The following PTGES3L variants were observed in gnomAD, a reference collection of about 807,000 sequenced individuals.
PTGES3L encodes the protein prostaglandin E synthase 3 like, also known as putative protein PTGES3L.
Under a neutral mutation model 25.0 loss-of-function variants are expected in PTGES3L, and 17 were observed. That is an observed-to-expected ratio of 0.68 (90% CI 0.47 to 1.02). PTGES3L has a LOEUF of 1.02. Ranked by LOEUF, PTGES3L falls within the 50% of genes least tolerant of loss-of-function variation. PTGES3L has a pLI of 0.00. For missense variants in PTGES3L, 202 were observed against 197.5 expected, an observed-to-expected ratio of 1.02 and a Z score of -0.14; for synonymous variants, 59 against 65.7, an observed-to-expected ratio of 0.90 and a Z score of 0.50.
chr17:42,979,904 C>G, intron 1 of PTGES3L, 142 bp downstream of exon 1: 1 of 1,446,084 alleles, frequency 6.9e-7, no homozygotes, highest in Middle Eastern at 2.5e-4. Context: ...TCAGGTCACA[C>G]CTTCCCTCAC....
chr17:42,974,097 C>T (rs2049911184), intron 4 of PTGES3L, among the ~76,000 whole-genome samples: 2 of 152,056 alleles, frequency 1.3e-5, no homozygotes, highest in African/African-American at 4.8e-5. Context: ...GTGGCTCACA[C>T]AACCTGTAAT....
chr17:42,970,243 A>G, intron 6 of PTGES3L, 46 bp downstream of exon 6: 1 of 1,611,702 alleles, frequency 6.2e-7, no homozygotes. Context: ...GGTTGTTTTT[A>G]AGGGCTACAA....
intron 6 of PTGES3L, 91 bp downstream of exon 6, chr17:42,970,198 T>A: frequency 6.7e-7 from 1 of 1,495,324 alleles, no homozygotes; most frequent in Admixed American, 1.8e-5. Flanking sequence ...TGAGAACTAC[T>A]GTGTGCTAGG....
At chr17:42,972,841 G>A (rs1437519152) in intron 4 of PTGES3L, among the ~76,000 whole-genome samples, 13 of 147,438 alleles carry the variant, frequency 8.8e-5, no homozygotes, top group African/African-American at 3.0e-4. Context: ...AGTGAGGAGC[G>A]TCTCCGCCCG....
Position 42,979,219 on chromosome 17 carries a change from T to A in PTGES3L, c.239A>T (p.Lys80Ile), listed in dbSNP as rs1374138313. 1.2e-6 allele frequency: 2 copies of A among 1,613,974 alleles called. No homozygotes were observed. Among genetic ancestry groups the A allele is most frequent in the Non-Finnish European group, 8.5e-7 (1 of 1,180,038 alleles). The change falls in exon 4 of 7, where the codon AAA becomes ATA. Residue 80 changes from lysine to isoleucine, a missense_variant. Transcript: ENST00000591916. ...CGGCCAGGCCACCTTTTCCTTCCAT[T>A]TTCTCACAAAACAAGTAATAGAGCG... Reference protein sequence around the residue: ...SSRSITCFVRKWKEKVAWPRL... With the variant: ...SSRSITCFVRIWKEKVAWPRL...
chr17:42,975,727 A>G lies in PTGES3L; in HGVS notation c.288+3443T>C, dbSNP rs1050861732. On this transcript the variant is annotated intron_variant, in intron 4 of 6. Coordinates refer to ENST00000591916, the MANE Select transcript of PTGES3L (RefSeq NM_001261430.2). ...AGTCTCACTCTGTCATCCAGGCTAGAGTGCAGTGGGGTGATCTCGGCTGAC... is the reference window on the plus strand; with the variant it reads ...AGTCTCACTCTGTCATCCAGGCTAGGGTGCAGTGGGGTGATCTCGGCTGAC... 2.0e-5 allele frequency among the ~76,000 whole-genome samples: 3 copies of G among 152,198 alleles called. No individual in the cohort carries two copies. In the East Asian group the frequency reaches 5.8e-4, roughly 29 times the overall value.
intron 4 of PTGES3L, among the ~76,000 whole-genome samples, chr17:42,975,978 C>T (rs921064198): frequency 6.7e-5 from 10 of 149,960 alleles, no homozygotes; most frequent in Admixed American, 1.3e-4. Flanking sequence ...CCTGGCTCCC[C>T]GTTTTATTTA....
Position 42,979,238 on chromosome 17 carries a change from T to A in PTGES3L, c.220A>T (p.Ile74Phe), listed in dbSNP as rs751048568. The change falls in exon 4 of 7, where the codon ATT (isoleucine) becomes TTT (phenylalanine). Residue 74 changes from isoleucine (I) to phenylalanine (F), a missense_variant. By Grantham distance (21) the Ile-to-Phe change is conservative. Coordinates refer to ENST00000591916, the MANE Select transcript of PTGES3L (RefSeq NM_001261430.2). ...TTCCATTTTCTCACAAAACAAGTAATAGAGCGGGAAGAGCGCTTATCCTGG... is the reference window on the plus strand; with the variant it reads ...TTCCATTTTCTCACAAAACAAGTAAAAGAGCGGGAAGAGCGCTTATCCTGG... ...DSQDKRSSRS[I>F]TCFVRKWKEK... 1.2e-6 allele frequency: 2 copies of A among 1,613,914 alleles called. No individual in the cohort carries two copies. The highest frequency in any genetic ancestry group is 1.3e-5 in the African/African-American group (1 of 74,906).
At chr17:42,973,370 G>C (rs1462948141) in intron 4 of PTGES3L, among the ~76,000 whole-genome samples, 1 of 1,904 alleles carries the variant, frequency 5.3e-4, no homozygotes, top group Non-Finnish European at 1.2e-3. Flanking sequence ...GAGGGAAGTG[G>C]GGGGGGTCAG....
At chr17:42,975,546 C>T (rs928915071) in intron 4 of PTGES3L, among the ~76,000 whole-genome samples, 4 of 152,096 alleles carry the variant, frequency 2.6e-5, no homozygotes, top group East Asian at 1.9e-4. Context: ...GGAAATCAAA[C>T]GCTCAAATAC....
At chr17:42,972,949 A>G (rs2049875106) in intron 4 of PTGES3L, among the ~76,000 whole-genome samples, 1 of 134,322 alleles carries the variant, frequency 7.4e-6, no homozygotes, top group African/African-American at 2.9e-5. Flanking sequence ...ATCGTCTGAG[A>G]TGTGGGGAGC....
At chr17:42,979,293 T>G in intron 3 of PTGES3L, 25 bp from the exon 4 acceptor site, 1 of 1,614,018 alleles carries the variant, frequency 6.2e-7, no homozygotes, top group Non-Finnish European at 8.5e-7. Flanking sequence ...GCCTCATTCT[T>G]AGGGTCTGGG....
At chr17:42,971,727 C>T in intron 4 of PTGES3L, 31 bp from the exon 5 acceptor site, 1 of 1,612,032 alleles carries the variant, frequency 6.2e-7, no homozygotes, top group Non-Finnish European at 8.5e-7. Flanking sequence ...AGTCACAGGC[C>T]AGGAGGGCAG....
chr17:42,979,206 C>A lies in PTGES3L; in HGVS notation c.252G>T (p.Lys84Asn), dbSNP rs200795560. The change falls in exon 4 of 7, where the codon AAG becomes AAT. Residue 84 changes from lysine (K) to asparagine (N), a missense_variant. Physicochemically the swap from Lys to Asn is moderately conservative, Grantham distance 94 (BLOSUM62 0). Transcript: ENST00000591916. Reference protein sequence around the residue: ...ITCFVRKWKEKVAWPRLTKED... With the variant: ...ITCFVRKWKENVAWPRLTKED... ...CCTTGGTAAGCCGCGGCCAGGCCAC[C>A]TTTTCCTTCCATTTTCTCACAAAAC... 6 of 1,614,130 alleles carry A rather than the reference C, an allele frequency of 3.7e-6. No homozygotes were observed. The highest frequency in any genetic ancestry group is 1.6e-4 in the Middle Eastern group (1 of 6,062).
intron 4 of PTGES3L, among the ~76,000 whole-genome samples, chr17:42,978,924 C>T (rs969576455): frequency 6.6e-5 from 10 of 152,064 alleles, no homozygotes; most frequent in South Asian, 2.1e-4. Context: ...TGCTTGAACC[C>T]GGGAGGCGGA....
chr17:42,973,030 G>T (rs1332368631), intron 4 of PTGES3L, among the ~76,000 whole-genome samples: 1 of 146,842 alleles, frequency 6.8e-6, no homozygotes, highest in Non-Finnish European at 1.5e-5. Flanking sequence ...TCTGGGAGGT[G>T]AGGAGCGTCT....
chr17:42,978,524 T>C (rs2151952672), intron 4 of PTGES3L, among the ~76,000 whole-genome samples: 1 of 152,224 alleles, frequency 6.6e-6, no homozygotes, highest in East Asian at 1.9e-4. Context: ...TTTCATCACC[T>C]ACAACGAAAG....
At chr17:42,971,502 TTGCATATCTCTGCTTGGCCCCAG>T in intron 5 of PTGES3L, 82 bp downstream of exon 5, 1 of 1,244,140 alleles carries the variant, frequency 8.0e-7, no homozygotes, top group Admixed American at 1.9e-5. Flanking sequence ...CCTAGAGAGC[TTGCATATCTCTGCTTGGCCCCAG>T]TGACAATCCT....
intron 4 of PTGES3L, among the ~76,000 whole-genome samples, chr17:42,977,425 C>CA (rs34866238): frequency 0.93 from 124,315 of 134,118 alleles, 58,283 homozygotes; most frequent in East Asian, 0.99. Context: ...GACTCTATCT[C>CA]AAAAAAAAAA....
Sources: allele counts gnomAD v4.1 joint callset (sites outside exome capture counted in the v4.1 genomes callset), GRCh38; gene constraint gnomAD v4.1.1; transcripts MANE v1.5; gene names NCBI Gene and HGNC (gene_info 2026-07-23, HGNC 2026-07-21).